Variants in TRIP12 observed in about 807,000 individuals in gnomAD.
TRIP12 encodes thyroid hormone receptor interactor 12, also known as E3 ubiquitin-protein ligase TRIP12.
A neutral mutation model predicts 244.2 loss-of-function variants in TRIP12; 25 were observed. That is an observed-to-expected ratio of 0.10 (90% CI 0.07 to 0.14). The LOEUF (loss-of-function observed/expected upper bound fraction) is 0.14. TRIP12 is among the 10% of genes least tolerant of loss of function. The pLI is 1.00. For missense variants in TRIP12, 1,677 were observed against 2,486.4 expected (o/e 0.67, Z 6.92); for synonymous variants, 905 against 873.1 (o/e 1.04, Z -0.64).
In TRIP12 at chr2:229,792,226, C is replaced by G; in HGVS notation, c.4142G>C (p.Gly1381Ala). ...ATCATCTTCTCTTACTCTTCCATACCCTGAAGACCCAAGTAGACTTTTAAA... is the reference window on the plus strand; with the variant it reads ...ATCATCTTCTCTTACTCTTCCATACGCTGAAGACCCAAGTAGACTTTTAAA... ...QAIERYLVVR[G>A]YGRVREDDED... The change falls in exon 28 of 42, where the codon GGG becomes GCG. Residue 1381 changes from glycine (G) to alanine (A), a missense_variant and splice_region_variant. By Grantham distance (60) the Gly-to-Ala change is moderately conservative (BLOSUM62 0). This residue lies in a region of TRIP12 where 265 missense variants were observed against 370.8 expected (regional missense o/e 0.71). Coordinates refer to ENST00000675903, the MANE Select transcript of TRIP12 (RefSeq NM_001348323.3). 6.2e-7 allele frequency: 1 copy of G among 1,613,314 alleles called. No individual in the cohort carries two copies. Among genetic ancestry groups the G allele is most frequent in the Non-Finnish European group, 8.5e-7 (1 of 1,179,778 alleles).
chr2:229,795,368 T>C lies in TRIP12; in HGVS notation c.3817-38A>G, dbSNP rs538365245. On this transcript the variant is annotated intron_variant, in intron 25 of 41. Transcript: ENST00000675903. ...ATAAACAAACAGGTTAAACAAAGCC[T>C]TTTCAAAACAAAAGTCTCCTCAAAG... 2.6e-4 allele frequency: 404 copies of C among 1,569,060 alleles called. 9 individuals carry two copies. In the South Asian group the frequency reaches 4.5e-3, roughly 18 times the overall value.
At chr2:229,779,170 C>T (rs2037253739) in intron 34 of TRIP12, among the ~76,000 whole-genome samples, 180 bp from the exon 35 acceptor site, 1 of 152,204 alleles carries the variant, frequency 6.6e-6, no homozygotes, top group South Asian at 2.1e-4. Flanking sequence ...CAAAAACTAG[C>T]AACTCTTTAT....
At chr2:229,777,563 T>G in intron 36 of TRIP12, 84 bp from the exon 37 acceptor site, 7 of 1,340,698 alleles carry the variant, frequency 5.2e-6, no homozygotes, top group Non-Finnish European at 7.3e-6. Context: ...GGAGATCATT[T>G]AAATATTAAT....
At chr2:229,786,563 AATT>A (rs2040092338) in intron 33 of TRIP12, among the ~76,000 whole-genome samples, 1 of 98,482 alleles carries the variant, frequency 1.0e-5, no homozygotes. Flanking sequence ...ACGCCCAGAT[AATT>A]TTTTTTTTTT....
At chr2:229,827,401 G>C (rs1296468370) in intron 8 of TRIP12, among the ~76,000 whole-genome samples, 3 of 152,044 alleles carry the variant, frequency 2.0e-5, no homozygotes, top group Non-Finnish European at 2.9e-5. Context: ...ACAATGAACA[G>C]CTGTACAAAA....
At chr2:229,830,646 C>CA in intron 7 of TRIP12, 110 bp downstream of exon 7, 1 of 1,040,172 alleles carries the variant, frequency 9.6e-7, no homozygotes, top group Non-Finnish European at 1.4e-6. Flanking sequence ...GAGGTGCAGG[C>CA]ACTGCTAGAT....
Position 229,816,736 on chromosome 2 carries a change from C to G in TRIP12, c.1600-1428G>C, listed in dbSNP as rs536761235. Among the ~76,000 whole-genome samples the G allele has an allele frequency of 2.6e-5, 4 of 152,256 alleles. No homozygotes were observed. In the South Asian group the frequency reaches 8.3e-4, roughly 32 times the overall value. On this transcript the variant is annotated intron_variant, in intron 9 of 41. Transcript: ENST00000675903. ...GGCTTCTTTATTTAACTAATAAAAA[C>G]TAAATTTTAACTGTAGATAGTATAA...
In TRIP12 at chr2:229,785,873, C is replaced by A; in HGVS notation, c.4996-18G>T. The A allele has an allele frequency of 6.2e-7, 1 of 1,601,572 alleles. No homozygotes were observed. Among genetic ancestry groups the A allele is most frequent in the South Asian group, 1.1e-5 (1 of 89,200 alleles). ...ACAGTACGCTACAAAGAAAGTACAA[C>A]TGTCAGGAAACTATGCTCTACCCAT... On this transcript the variant is annotated intron_variant, in intron 33 of 41. Transcript: ENST00000675903.
chr2:229,818,270 A>C (rs1416546232), intron 9 of TRIP12, 94 bp downstream of exon 9: 6 of 1,346,548 alleles, frequency 4.5e-6, no homozygotes, highest in Non-Finnish European at 6.1e-6. Context: ...CATGTTTTAA[A>C]AATTAATAAT....
Position 229,765,164 on chromosome 2 carries a change from C to T in TRIP12, c.*2390G>A, listed in dbSNP as rs977261049. The T allele has an allele frequency of 4.6e-5, 7 of 152,116 alleles. No homozygotes were observed. The highest frequency in any genetic ancestry group is 1.4e-4 in the African/African-American group (6 of 41,414). 9.4% of individuals were successfully genotyped at this position (152,116 alleles called of 1,614,324 possible). On this transcript the variant is annotated 3_prime_UTR_variant, in exon 42 of 42. Coordinates refer to ENST00000675903, the MANE Select transcript of TRIP12 (RefSeq NM_001348323.3). ...AACTGTCTAAATGACAACACAAATT[C>T]GGTGTTAGCTATGACTAACATCTGA...
chr2:229,911,922 G>A (rs1469514546), intron 1 of TRIP12, among the ~76,000 whole-genome samples: 1 of 151,504 alleles, frequency 6.6e-6, no homozygotes, highest in Non-Finnish European at 1.5e-5. Context: ...ATTCACTTTT[G>A]TTTTAAACAT....
At position 229,827,258 on chromosome 2, in the gene TRIP12, A is replaced by C. The variant is rs2051928363; in HGVS notation, c.1450+1935T>G. Among the ~76,000 whole-genome samples, 31 of 151,666 alleles carry C rather than the reference A, an allele frequency of 2.0e-4. No homozygotes were observed. The South Asian group carries it at 6.5e-3, about 32-fold the overall frequency. On this transcript the variant is annotated intron_variant, in intron 8 of 41. Coordinates refer to ENST00000675903, the MANE Select transcript of TRIP12 (RefSeq NM_001348323.3). ...CTGCGCCACTGCACTCCAGCCTGGG[A>C]GACAGAGCAAAACTCCGTCTCAAAA...
chr2:229,855,543 T>C (rs995646113), intron 4 of TRIP12, among the ~76,000 whole-genome samples: 101 of 149,564 alleles, frequency 6.8e-4, no homozygotes, highest in Non-Finnish European at 9.9e-4. Flanking sequence ...TCTAGAGTCT[T>C]AGTATCTCCA....
chr2:229,875,957 C>G (rs1214259007), intron 2 of TRIP12, among the ~76,000 whole-genome samples: 1 of 152,164 alleles, frequency 6.6e-6, no homozygotes, highest in Admixed American at 6.6e-5. Context: ...ATTGCTAGAA[C>G]AGTACACTCT....
chr2:229,788,953 T>C lies in TRIP12; in HGVS notation c.4696-13A>G. 1.6e-6 allele frequency: 2 copies of C among 1,223,694 alleles called. No homozygotes were observed. The highest frequency in any genetic ancestry group is 1.1e-6 in the Non-Finnish European group (1 of 898,144). The allele number at this position is 1,223,694 out of a possible 1,614,324, so 75.8% of individuals were successfully genotyped here. ...TGCACATTGCATTCTGTAAAATGTT[T>C]AAAAAAAAAAAAGTCTACATGTAGT... On this transcript the variant is annotated splice_polypyrimidine_tract_variant and intron_variant, in intron 31 of 41. Transcript: ENST00000675903.
chr2:229,770,525 T>C (rs2033870387), intron 39 of TRIP12, among the ~76,000 whole-genome samples: 1 of 152,214 alleles, frequency 6.6e-6, no homozygotes, highest in Admixed American at 6.5e-5. Context: ...AAAACTAGTA[T>C]TCAAACAATA....
chr2:229,853,836 C>T (rs780318264), intron 4 of TRIP12, among the ~76,000 whole-genome samples: 25 of 151,934 alleles, frequency 1.6e-4, no homozygotes, highest in Admixed American at 3.3e-4. Context: ...TATTATTTTG[C>T]AAATAAGATT....
intron 2 of TRIP12, among the ~76,000 whole-genome samples, chr2:229,873,773 C>G (rs1271367555): frequency 6.6e-6 from 1 of 151,942 alleles, no homozygotes; most frequent in East Asian, 1.9e-4. Flanking sequence ...AGGCTATATC[C>G]TATATTTCTC....
intron 37 of TRIP12, 66 bp downstream of exon 37, chr2:229,777,249 T>C (rs2036567775): frequency 5.9e-6 from 9 of 1,528,018 alleles, no homozygotes; most frequent in Non-Finnish European, 5.3e-6. Flanking sequence ...ATACAAACTA[T>C]TTAACAAAAG....
Sources: allele counts gnomAD v4.1 joint callset (sites outside exome capture counted in the v4.1 genomes callset), GRCh38; gene constraint gnomAD v4.1.1; regional missense constraint gnomAD v4.1.1; transcripts MANE v1.5; gene names NCBI Gene and HGNC (gene_info 2026-07-23, HGNC 2026-07-21).